The following RIPOR3 variants were observed in gnomAD, a reference collection of about 807,000 sequenced individuals.
RIPOR3 encodes RIPOR family member 3, also known as family with sequence similarity 65 member C.
A neutral mutation model predicts 114.3 loss-of-function variants in RIPOR3; 95 were observed. The ratio of observed to expected loss-of-function variants is 0.83; its 90% CI spans 0.70 to 0.99. The LOEUF is 0.99. RIPOR3 is among the 50% of genes least tolerant of loss of function. The pLI, the probability that RIPOR3 is intolerant of heterozygous loss-of-function variation, is 0.00. For missense variants in RIPOR3, 1,252 were observed against 1,266.9 expected (o/e 0.99, Z 0.18); for synonymous variants, 575 against 543.8 (o/e 1.06, Z -0.80).
intron 2 of RIPOR3, among the ~76,000 whole-genome samples, chr20:50,627,138 C>T (rs1487655588): frequency 1.3e-5 from 2 of 151,198 alleles, no homozygotes; most frequent in East Asian, 2.0e-4. Flanking sequence ...GCCTAAATTG[C>T]ACCACTGCAC....
chr20:50,624,426 G>A (rs544924613), intron 2 of RIPOR3, among the ~76,000 whole-genome samples: 12 of 152,260 alleles, frequency 7.9e-5, no homozygotes, highest in African/African-American at 2.4e-4. Context: ...GCCCAGCCCC[G>A]CTTCCATCCA....
intron 1 of RIPOR3, among the ~76,000 whole-genome samples, chr20:50,659,026 C>T (rs1002726681): frequency 3.9e-5 from 6 of 152,218 alleles, no homozygotes; most frequent in African/African-American, 1.4e-4. Flanking sequence ...TAAATTTATT[C>T]TCTCTGACCT....
chr20:50,611,345 C>T (rs981836103), intron 4 of RIPOR3, 141 bp from the exon 5 acceptor site: 6 of 1,041,640 alleles, frequency 5.8e-6, no homozygotes, highest in South Asian at 2.7e-5. Context: ...CCACCCACTC[C>T]TTCCTCTGCC....
At chr20:50,647,735 G>A (rs1366134935) in intron 1 of RIPOR3, among the ~76,000 whole-genome samples, 4 of 151,392 alleles carry the variant, frequency 2.6e-5, no homozygotes, top group Non-Finnish European at 5.9e-5. Context: ...ACCCGCCTCG[G>A]CCTCCCAAAG....
Position 50,593,070 on chromosome 20 carries a change from T to C in RIPOR3, c.2339A>G (p.Asp780Gly). 1 of 1,614,094 alleles carries C rather than the reference T, an allele frequency of 6.2e-7. No homozygotes were observed. Among genetic ancestry groups the C allele is most frequent in the Non-Finnish European group, 8.5e-7 (1 of 1,180,032 alleles). The change falls in exon 18 of 22, where the codon GAC becomes GGC. Residue 780 changes from aspartate (D) to glycine (G), a missense_variant. Coordinates refer to ENST00000327979, the MANE Select transcript of RIPOR3 (RefSeq NM_001290268.2). ...GAGCTGGGTGAAGTGCTTCTCCAGGTCAGAGACGCTCTGCCTCTGCAGGTA... is the reference window on the plus strand; with the variant it reads ...GAGCTGGGTGAAGTGCTTCTCCAGGCCAGAGACGCTCTGCCTCTGCAGGTA... ...HSYLQRQSVSDLEKHFTQLTK... is the reference protein window; with the variant it reads ...HSYLQRQSVSGLEKHFTQLTK...
chr20:50,600,276 T>G (rs1212881468), intron 13 of RIPOR3, among the ~76,000 whole-genome samples: 1 of 152,186 alleles, frequency 6.6e-6, no homozygotes, highest in Non-Finnish European at 1.5e-5. Context: ...AAAACCACGG[T>G]CTGTAATCAA....
chr20:50,592,548 T>C lies in RIPOR3; in HGVS notation c.2375-2A>G. On this transcript the variant is annotated splice_acceptor_variant, in intron 18 of 21. Coordinates refer to ENST00000327979, the MANE Select transcript of RIPOR3 (RefSeq NM_001290268.2). LOFTEE classifies it high-confidence loss of function. ...AGTGAAGCTCCTCGATGAGTGTCACTAGAAGACAGGAAAGAGGTGGGCCCA... is the reference window on the plus strand; with the variant it reads ...AGTGAAGCTCCTCGATGAGTGTCACCAGAAGACAGGAAAGAGGTGGGCCCA... The C allele has an allele frequency of 1.3e-6, 2 of 1,526,956 alleles. No individual in the cohort carries two copies. 94.6% of individuals were successfully genotyped at this position (1,526,956 alleles called of 1,614,324 possible). A position where few individuals can be genotyped will look rare whatever the true frequency, so the allele number is the denominator to read the frequency against.
chr20:50,687,414 G>A (rs2087065517), intron 1 of RIPOR3, among the ~76,000 whole-genome samples: 1 of 152,342 alleles, frequency 6.6e-6, no homozygotes, highest in Admixed American at 6.5e-5. Context: ...CTTTGGAAGA[G>A]GACTGAGGAC....
At chr20:50,644,947 C>T (rs1286524783) in intron 1 of RIPOR3, among the ~76,000 whole-genome samples, 2 of 151,414 alleles carry the variant, frequency 1.3e-5, no homozygotes, top group Admixed American at 6.6e-5. Context: ...TCAAGCAGTT[C>T]CCCGGCCTCA....
At chr20:50,630,198 C>T (rs893819184) in intron 2 of RIPOR3, among the ~76,000 whole-genome samples, 2 of 152,142 alleles carry the variant, frequency 1.3e-5, no homozygotes, top group African/African-American at 4.8e-5. Context: ...CAACTTCTGA[C>T]CTCAAGTGAT....
At position 50,599,403 on chromosome 20, in the gene RIPOR3, G is replaced by GA. The variant is rs576479317; in HGVS notation, c.1660-1694dup. Among the ~76,000 whole-genome samples, 1,261 of 147,242 alleles carry GA rather than the reference G, an allele frequency of 8.6e-3. 8 individuals carry two copies. Among genetic ancestry groups the GA allele is most frequent in the African/African-American group, 0.018 (737 of 40,146 alleles). On this transcript the variant is annotated intron_variant, in intron 13 of 21. Coordinates refer to ENST00000327979, the MANE Select transcript of RIPOR3 (RefSeq NM_001290268.2). ...TGAGACTCCGTCTCCAAAAAAAAAGGAAAAAAAAAAGCTATTTTTGATTCA... is the reference window on the plus strand; with the variant it reads ...TGAGACTCCGTCTCCAAAAAAAAAGGAAAAAAAAAAAGCTATTTTTGATTCA...
At chr20:50,668,681 A>C (rs1192944084) in intron 1 of RIPOR3, among the ~76,000 whole-genome samples, 1 of 152,004 alleles carries the variant, frequency 6.6e-6, no homozygotes, top group Non-Finnish European at 1.5e-5. Flanking sequence ...ACATGGCAAA[A>C]CTCCATCTCC....
rs376547534 is a variant in RIPOR3 at position 50,604,654 on chromosome 20, T to C, written c.1077A>G (p.Arg359=). The part of the protein sequence containing the change: ...TPPSTPSFRE[R]YYLSVLQQPT... The stretch of plus-strand genomic sequence containing the variant: ...GGGAAGGCTCACTCACCAGGTAGTA[T>C]CTCTCCCGGAAGCTGGGGGTGCTCG... The change falls in exon 12 of 22, where the codon AGA becomes AGG. Residue 359 remains arginine (R), a synonymous_variant. Coordinates refer to ENST00000327979, the MANE Select transcript of RIPOR3 (RefSeq NM_001290268.2). The C allele has an allele frequency of 6.2e-7, 1 of 1,606,882 alleles. No individual in the cohort carries two copies. The highest frequency in any genetic ancestry group is 8.5e-7 in the Non-Finnish European group (1 of 1,177,258).
chr20:50,686,364 G>T (rs1250220264), intron 1 of RIPOR3, among the ~76,000 whole-genome samples: 1 of 152,040 alleles, frequency 6.6e-6, no homozygotes. Flanking sequence ...CCAAGACAAC[G>T]GGCTCTTAAC....
intron 13 of RIPOR3, among the ~76,000 whole-genome samples, chr20:50,599,957 T>C (rs377054849): frequency 1.8e-4 from 27 of 151,978 alleles, no homozygotes; most frequent in Admixed American, 5.2e-4. Flanking sequence ...CTGGAGTGCA[T>C]TGGTGCGATC....
intron 1 of RIPOR3, among the ~76,000 whole-genome samples, chr20:50,678,301 C>T (rs947254254): frequency 6.6e-6 from 1 of 152,194 alleles, no homozygotes; most frequent in Non-Finnish European, 1.5e-5. Flanking sequence ...GGCTGGGTGG[C>T]CTTGGCCCAA....
chr20:50,624,240 C>T (rs755779123), intron 2 of RIPOR3, among the ~76,000 whole-genome samples: 9 of 152,334 alleles, frequency 5.9e-5, no homozygotes, highest in East Asian at 3.9e-4. Flanking sequence ...CCTCTTGAAC[C>T]GGGCCCTCCG....
At chr20:50,609,068 G>T in intron 8 of RIPOR3, 113 bp from the exon 9 acceptor site, 1 of 1,435,980 alleles carries the variant, frequency 7.0e-7, no homozygotes. Context: ...AGTGGGGTGA[G>T]GATGGGGGGG....
intron 1 of RIPOR3, among the ~76,000 whole-genome samples, chr20:50,642,935 C>G (rs538389915): frequency 4.9e-4 from 74 of 152,088 alleles, no homozygotes; most frequent in African/African-American, 1.7e-3. Flanking sequence ...GTAATCCCAG[C>G]TACTCAGGAG....
Sources: allele counts gnomAD v4.1 joint callset (sites outside exome capture counted in the v4.1 genomes callset), GRCh38; gene constraint gnomAD v4.1.1; transcripts MANE v1.5; gene names NCBI Gene and HGNC (gene_info 2026-07-23, HGNC 2026-07-21).